Variants in ATP9B observed in about 807,000 individuals in gnomAD.
ATP9B encodes ATPase phospholipid transporting 9B.
ATP9B carries 110 observed loss-of-function variants against 146.1 expected under a neutral mutation model. That is an observed-to-expected ratio of 0.75 (90% CI 0.65 to 0.88). ATP9B has a LOEUF of 0.88. Among genes scored for constraint, ATP9B ranks in the 40% least tolerant of loss-of-function variants. The pLI, the probability that ATP9B is intolerant of heterozygous loss-of-function variation, is 0.00. For synonymous variants in ATP9B, 604 were observed against 569.7 expected (o/e 1.06, Z -0.86); for missense variants, 1,499 against 1,496.4 (o/e 1.00, Z -0.03).
chr18:79,194,050 TTTGTAGCTGCCTATTTCCATA>T (rs2095394948), intron 9 of ATP9B, among the ~76,000 whole-genome samples: 1 of 152,124 alleles, frequency 6.6e-6, no homozygotes, highest in African/African-American at 2.4e-5. Context: ...CACTGGGCCT[TTTGTAGCTGCCTATTTCCATA>T]GGTGCTGCAC....
At chr18:79,074,952 G>C (rs2072426519) in intron 1 of ATP9B, among the ~76,000 whole-genome samples, 7 of 152,198 alleles carry the variant, frequency 4.6e-5, no homozygotes, top group Admixed American at 4.6e-4. Context: ...GACTCAACCT[G>C]TATGTTGGTA....
intron 11 of ATP9B, among the ~76,000 whole-genome samples, chr18:79,232,530 G>C (rs954410589): frequency 6.6e-6 from 1 of 152,196 alleles, no homozygotes; most frequent in East Asian, 1.9e-4. Flanking sequence ...CTAAAGGCTT[G>C]TTTACTTCAG....
At chr18:79,146,436 G>A (rs2094588731) in intron 6 of ATP9B, 1 of 119,920 alleles carries the variant, frequency 8.3e-6, no homozygotes, top group Non-Finnish European at 1.6e-5. Context: ...GCGGTGTGGA[G>A]AGTGACCGAA....
At chr18:79,332,279 A>G (rs1386606559) in intron 17 of ATP9B, among the ~76,000 whole-genome samples, 1 of 152,088 alleles carries the variant, frequency 6.6e-6, no homozygotes, top group Non-Finnish European at 1.5e-5. Context: ...AATACAAAAA[A>G]TTAGCCGGGT....
At position 79,337,437 on chromosome 18, in the gene ATP9B, C is replaced by T. The variant is rs769680255; in HGVS notation, c.2271C>T (p.Asn757=). ...GGCCCACGCTGGAGATGCTGCGCAA[C>T]GCCGGGATCAAGGTACTGCAGGCTC... ...DVRPTLEMLR[N]AGIKIWMLTG... is the part of the protein sequence containing the mutation. The change falls in exon 19 of 30, where the codon AAC becomes AAT. Residue 757 remains asparagine, a synonymous_variant. Transcript: ENST00000426216. 2.9e-5 allele frequency: 47 copies of T among 1,611,018 alleles called. No homozygotes were observed. The highest frequency in any genetic ancestry group is 3.3e-4 in the Middle Eastern group (2 of 6,074).
intron 25 of ATP9B, chr18:79,352,694 G>A (rs1000328550): frequency 6.6e-6 from 1 of 152,186 alleles, no homozygotes; most frequent in Non-Finnish European, 1.5e-5. Context: ...TGTGAAGTTT[G>A]TCAGAGTAAA....
At chr18:79,248,297 T>C (rs2095988849) in intron 11 of ATP9B, among the ~76,000 whole-genome samples, 1 of 132,654 alleles carries the variant, frequency 7.5e-6, no homozygotes, top group African/African-American at 3.1e-5. Flanking sequence ...CTCTAAAATT[T>C]AGTACTTAGA....
intron 10 of ATP9B, chr18:79,209,672 A>G (rs2095566223): frequency 2.0e-6 from 2 of 985,230 alleles, no homozygotes; most frequent in African/African-American, 1.7e-5. Context: ...GTGTCTTCCT[A>G]GTGGGCATGA....
intron 10 of ATP9B, among the ~76,000 whole-genome samples, chr18:79,209,880 T>G (rs2095567926): frequency 6.6e-6 from 1 of 152,210 alleles, no homozygotes; most frequent in Non-Finnish European, 1.5e-5. Context: ...GTTTGAAAGA[T>G]TTTAAGATTT....
chr18:79,335,524 C>A (rs2096819409), intron 17 of ATP9B, among the ~76,000 whole-genome samples: 1 of 152,216 alleles, frequency 6.6e-6, no homozygotes, highest in Non-Finnish European at 1.5e-5. Flanking sequence ...GAGCTCATTG[C>A]AGGCATTTCC....
chr18:79,310,842 A>AC (rs936463384), intron 15 of ATP9B, among the ~76,000 whole-genome samples: 6 of 151,854 alleles, frequency 4.0e-5, no homozygotes, highest in African/African-American at 1.5e-4. Context: ...GCACGCTAGC[A>AC]CCCCCATTAC....
chr18:79,183,377 C>T (rs1283765551), intron 8 of ATP9B, among the ~76,000 whole-genome samples: 1 of 152,090 alleles, frequency 6.6e-6, no homozygotes, highest in Non-Finnish European at 1.5e-5. Flanking sequence ...ATTAATCTTT[C>T]ACTGTTTTCC....
intron 26 of ATP9B, chr18:79,359,792 C>G (rs1004969840): frequency 3.6e-6 from 1 of 279,826 alleles, no homozygotes; most frequent in Non-Finnish European, 7.2e-6. Context: ...CAGAGAAGAT[C>G]TCACTGTGTA....
intron 6 of ATP9B, among the ~76,000 whole-genome samples, chr18:79,148,112 C>T (rs1053945666): frequency 6.6e-6 from 1 of 152,054 alleles, no homozygotes; most frequent in Non-Finnish European, 1.5e-5. Flanking sequence ...AGAACTCAGT[C>T]AAAATGAAAT....
chr18:79,309,370 CCCCAGCAGG>C, intron 15 of ATP9B, among the ~76,000 whole-genome samples: 1 of 143,288 alleles, frequency 7.0e-6, no homozygotes, highest in African/African-American at 2.7e-5. Flanking sequence ...GAGGAGTGAT[CCCCAGCAGG>C]TAGAAGGTCA....
intron 25 of ATP9B, 94 bp downstream of exon 25, chr18:79,348,290 T>C: frequency 8.1e-4 from 821 of 1,009,446 alleles, no homozygotes; most frequent in Non-Finnish European, 1.1e-3. Flanking sequence ...ATATAGAAGA[T>C]TCTTGATACA....
chr18:79,188,726 A>G (rs1443823513), intron 8 of ATP9B, among the ~76,000 whole-genome samples: 1 of 152,130 alleles, frequency 6.6e-6, no homozygotes, highest in African/African-American at 2.4e-5. Context: ...GTAGATGAGT[A>G]GTTTCTTCTC....
intron 7 of ATP9B, among the ~76,000 whole-genome samples, chr18:79,168,123 T>C (rs1278793048): frequency 6.6e-6 from 1 of 152,110 alleles, no homozygotes; most frequent in East Asian, 1.9e-4. Flanking sequence ...CAGCCGCCAC[T>C]CCAGAGGCGC....
At chr18:79,333,357 A>G (rs2096802090) in intron 17 of ATP9B, among the ~76,000 whole-genome samples, 1 of 152,204 alleles carries the variant, frequency 6.6e-6, no homozygotes, top group Non-Finnish European at 1.5e-5. Flanking sequence ...CCTTAGGGAC[A>G]CTGTCATGTT....
Sources: allele counts gnomAD v4.1 joint callset (sites outside exome capture counted in the v4.1 genomes callset), GRCh38; gene constraint gnomAD v4.1.1; transcripts MANE v1.5; gene names NCBI Gene and HGNC (gene_info 2026-07-23, HGNC 2026-07-21).